Variants in SKI observed in about 807,000 individuals in gnomAD.
The protein encoded by SKI is ski oncogene.
Under a neutral mutation model 59.3 loss-of-function variants are expected in SKI, and 23 were observed. The ratio of observed to expected loss-of-function variants is 0.39; its 90% CI spans 0.28 to 0.55. The LOEUF is 0.55. SKI is among the 20% of genes least tolerant of loss of function. The pLI is 0.67. For synonymous variants in SKI, 673 were observed against 488.6 expected (o/e 1.38, Z -4.98); for missense variants, 1,017 against 1,038.9 (o/e 0.98, Z 0.29).
intron 1 of SKI, among the ~76,000 whole-genome samples, chr1:2,245,816 A>C (rs1195648912): frequency 6.1e-5 from 1 of 16,436 alleles, no homozygotes. Context: ...TTTTTTTTTG[A>C]GGCAGGGTCT....
chr1:2,302,414 T>C (rs1417300616), intron 1 of SKI, among the ~76,000 whole-genome samples: 3 of 152,160 alleles, frequency 2.0e-5, no homozygotes, highest in Non-Finnish European at 4.4e-5. Context: ...GCCCACTCTT[T>C]AATGCACCTG....
intron 1 of SKI, among the ~76,000 whole-genome samples, chr1:2,253,006 G>C (rs1639195462): frequency 1.3e-5 from 2 of 151,770 alleles, no homozygotes; most frequent in Non-Finnish European, 2.9e-5. Context: ...TGAGGCATGA[G>C]AAGAGCTTGA....
intron 1 of SKI, among the ~76,000 whole-genome samples, chr1:2,230,855 G>A (rs1002917758): frequency 6.6e-5 from 10 of 152,140 alleles, no homozygotes; most frequent in Admixed American, 1.3e-4. Flanking sequence ...GCTCCAGCCC[G>A]GTTTTCTCTG....
At chr1:2,234,826 C>G (rs1638718202) in intron 1 of SKI, among the ~76,000 whole-genome samples, 1 of 152,184 alleles carries the variant, frequency 6.6e-6, no homozygotes. Context: ...AATTATTTCC[C>G]TAATATCTGG....
chr1:2,254,755 G>T (rs1000988762), intron 1 of SKI, among the ~76,000 whole-genome samples: 2 of 151,880 alleles, frequency 1.3e-5, no homozygotes, highest in African/African-American at 4.8e-5. Flanking sequence ...TGTGTGATGC[G>T]CAGGGCATTT....
At chr1:2,285,578 T>G (rs913171869) in intron 1 of SKI, among the ~76,000 whole-genome samples, 1 of 151,036 alleles carries the variant, frequency 6.6e-6, no homozygotes, top group Non-Finnish European at 1.5e-5. Context: ...TTTTGTTTTT[T>G]TTTTGAGACG....
intron 1 of SKI, among the ~76,000 whole-genome samples, chr1:2,263,794 ATGG>A (rs1343307423): frequency 1.4e-5 from 2 of 147,382 alleles, no homozygotes; most frequent in African/African-American, 2.5e-5. Flanking sequence ...ATTGGCCAAT[ATGG>A]TGGTGAGATG....
intron 1 of SKI, among the ~76,000 whole-genome samples, chr1:2,277,490 C>T (rs1053941155): frequency 2.0e-5 from 3 of 152,174 alleles, no homozygotes; most frequent in Non-Finnish European, 4.4e-5. Flanking sequence ...CATTTTTTCT[C>T]TTGCCGCTGC....
chr1:2,241,920 C>T (rs957696148), intron 1 of SKI, among the ~76,000 whole-genome samples: 5 of 152,138 alleles, frequency 3.3e-5, no homozygotes, highest in African/African-American at 4.8e-5. Flanking sequence ...GCACTGCGTG[C>T]GATGGATGGG....
chr1:2,262,318 G>A (rs541075389), intron 1 of SKI, among the ~76,000 whole-genome samples: 25 of 137,786 alleles, frequency 1.8e-4, no homozygotes, highest in African/African-American at 6.6e-4. Context: ...GGACACCCTC[G>A]CTCCTGATCT....
rs995373467 is a variant in SKI at position 2,303,213 on chromosome 1, G to A, written c.1096-72G>A. 66 of 1,599,984 alleles carry A rather than the reference G, an allele frequency of 4.1e-5. No individual in the cohort carries two copies. Among genetic ancestry groups the A allele is most frequent in the African/African-American group, 2.3e-4 (17 of 74,716 alleles). ...TGCCCGCTACTGAGGGCTGGCACCC[G>A]GCGCAGCCTCAGGGACATGAAGTGG... On this transcript the variant is annotated intron_variant, in intron 2 of 6. Transcript: ENST00000378536. The surrounding 1 kb of genome is among the most constrained non-coding windows in gnomAD (Gnocchi z 5.6).
rs61735580 is a variant in SKI at position 2,304,346 on chromosome 1, G to T, written c.1528G>T (p.Ala510Ser). Residue 510 changes from alanine to serine, a missense_variant, in exon 5 of 7, where the codon GCC (alanine) becomes TCC (serine). Coordinates refer to ENST00000378536, the MANE Select transcript of SKI (RefSeq NM_003036.4). ...CCCGTCCTTTACCTCATCCAGCTCCGCCAAGGACCTGGGCTCCCCGGGTGC... is the reference window on the plus strand; with the variant it reads ...CCCGTCCTTTACCTCATCCAGCTCCTCCAAGGACCTGGGCTCCCCGGGTGC... Reference protein sequence around the residue: ...SSPSFTSSSSAKDLGSPGARA... With the variant: ...SSPSFTSSSSSKDLGSPGARA... The T allele has an allele frequency of 6.4e-7, 1 of 1,551,552 alleles. No individual in the cohort carries two copies. Among genetic ancestry groups the T allele is most frequent in the Admixed American group, 2.0e-5 (1 of 51,032 alleles).
At chr1:2,239,601 G>T (rs1338912798) in intron 1 of SKI, among the ~76,000 whole-genome samples, 1 of 152,270 alleles carries the variant, frequency 6.6e-6, no homozygotes, top group Non-Finnish European at 1.5e-5. Flanking sequence ...CCGGGGACCC[G>T]CAAGGTGTGC....
At chr1:2,291,017 C>T (rs190063225) in intron 1 of SKI, among the ~76,000 whole-genome samples, 280 of 152,338 alleles carry the variant, frequency 1.8e-3, no homozygotes, top group African/African-American at 6.4e-3. Flanking sequence ...TTACGGGCCG[C>T]GCCTCCCACC....
At chr1:2,277,713 C>T (rs996896017) in intron 1 of SKI, among the ~76,000 whole-genome samples, 3 of 146,422 alleles carry the variant, frequency 2.0e-5, no homozygotes, top group Admixed American at 6.8e-5. Context: ...TGCACACACA[C>T]GTCAGTCCTG....
At chr1:2,247,455 T>C (rs1161699117) in intron 1 of SKI, among the ~76,000 whole-genome samples, 1 of 152,168 alleles carries the variant, frequency 6.6e-6, no homozygotes, top group Non-Finnish European at 1.5e-5. Context: ...AAAGTTCTTT[T>C]AGCAAAATGA....
At chr1:2,272,656 A>G (rs1350041919) in intron 1 of SKI, among the ~76,000 whole-genome samples, 1 of 152,214 alleles carries the variant, frequency 6.6e-6, no homozygotes, top group East Asian at 1.9e-4. Flanking sequence ...ATTAAATACA[A>G]CCATGTATTT....
At chr1:2,239,756 A>C (rs1394741989) in intron 1 of SKI, among the ~76,000 whole-genome samples, 1 of 152,208 alleles carries the variant, frequency 6.6e-6, no homozygotes, top group South Asian at 2.1e-4. Context: ...GGCTTCTCAG[A>C]GCAGCTTTCA....
At chr1:2,296,008 C>T (rs1053130112) in intron 1 of SKI, among the ~76,000 whole-genome samples, 3 of 152,176 alleles carry the variant, frequency 2.0e-5, no homozygotes, top group Non-Finnish European at 4.4e-5. Context: ...CTGTTTTCCA[C>T]AGCAGCTAAA....
Sources: allele counts gnomAD v4.1 joint callset (sites outside exome capture counted in the v4.1 genomes callset), GRCh38; gene constraint gnomAD v4.1.1; non-coding constraint Gnocchi (gnomAD v3.1); transcripts MANE v1.5; gene names NCBI Gene and HGNC (gene_info 2026-07-23, HGNC 2026-07-21).